THOP1: variants seen among roughly 807,000 people sequenced by gnomAD.
THOP1 encodes the protein thimet oligopeptidase 1.
A neutral mutation model predicts 71.8 loss-of-function variants in THOP1; 49 were observed. The ratio of observed to expected loss-of-function variants is 0.68; its 90% CI spans 0.54 to 0.87. The LOEUF is 0.87. Among genes scored for constraint, THOP1 ranks in the 40% least tolerant of loss-of-function variants. The pLI is 0.00. For missense variants in THOP1, 843 were observed against 975.6 expected (o/e 0.86, Z 1.81); for synonymous variants, 426 against 421.5 (o/e 1.01, Z -0.13).
intron 12 of THOP1, among the ~76,000 whole-genome samples, chr19:2,812,730 C>T (rs561494639): frequency 5.9e-5 from 9 of 152,334 alleles, no homozygotes; most frequent in Admixed American, 2.0e-4. Context: ...CCCGTAGTCC[C>T]GCAGTCACAG....
intron 11 of THOP1, among the ~76,000 whole-genome samples, chr19:2,811,224 T>C (rs140787524): frequency 7.2e-5 from 11 of 152,348 alleles, no homozygotes; most frequent in African/African-American, 2.6e-4. Context: ...ACATGGGTGG[T>C]GTTTTGCTGG....
rs554442718 is a variant in THOP1 at position 2,804,689 on chromosome 19, C to T, written c.590-327C>T. On this transcript the variant is annotated intron_variant, in intron 5 of 12. Coordinates refer to ENST00000307741, the MANE Select transcript of THOP1 (RefSeq NM_003249.5). This position sits in a 1 kb window ranked among gnomAD's most constrained non-coding sequence, Gnocchi z 4.7. ...CGGCGCCCTGGAAGCCCACGATGTC[C>T]GGGGGTTGGGCTGGATTTAGCTTTA... 29 of 230,582 alleles carry T rather than the reference C, an allele frequency of 1.3e-4. No homozygotes were observed. In the South Asian group the frequency reaches 1.9e-3, roughly 15 times the overall value. The allele number at this position is 230,582 out of a possible 1,614,324, so 14.3% of individuals were successfully genotyped here.
intron 1 of THOP1, among the ~76,000 whole-genome samples, chr19:2,790,137 C>T (rs1438304736): frequency 6.6e-6 from 1 of 152,176 alleles, no homozygotes; most frequent in Non-Finnish European, 1.5e-5. Flanking sequence ...CTGCAGGGTA[C>T]TAAGCAGGAT....
rs143179443 is a variant in THOP1, at chr19:2,799,759, C to T, written c.557C>T (p.Thr186Met). Residue 186 changes from threonine (T) to methionine (M), a missense_variant, in exon 5 of 13, where the codon ACG becomes ATG. Physicochemically the swap from Thr to Met is moderately conservative, Grantham distance 81 (BLOSUM62 -1). Coordinates refer to ENST00000307741, the MANE Select transcript of THOP1 (RefSeq NM_003249.5). ...TTCAACAAGAACCTGAACGAGGACA[C>T]GACCTTCCTGCCCTTCACGCTCCAG... Reference protein sequence around the residue: ...IDFNKNLNEDTTFLPFTLQEL... With the variant: ...IDFNKNLNEDMTFLPFTLQEL... The T allele has an allele frequency of 2.8e-3, 4,577 of 1,613,932 alleles. 23 individuals carry two copies. The highest frequency in any genetic ancestry group is 2.5e-3 in the Non-Finnish European group (2,917 of 1,179,960).
At position 2,804,170 on chromosome 19, in the gene THOP1, G is replaced by T. The variant is rs1916231544; in HGVS notation, c.590-846G>T. Among the ~76,000 whole-genome samples, 1 of 152,196 alleles carries T rather than the reference G, an allele frequency of 6.6e-6. No individual in the cohort carries two copies. The highest frequency in any genetic ancestry group is 1.5e-5 in the Non-Finnish European group (1 of 68,044). On this transcript the variant is annotated intron_variant, in intron 5 of 12. Coordinates refer to ENST00000307741, the MANE Select transcript of THOP1 (RefSeq NM_003249.5). This position sits in a 1 kb window ranked among gnomAD's most constrained non-coding sequence, Gnocchi z 4.7. ...TGAAGCTGCAAGCCTGAGGCACGGT[G>T]GCCCTGGCGTCTCCCGAGCCATGAG...
At chr19:2,792,607 G>GTA (rs1915913169) in intron 2 of THOP1, among the ~76,000 whole-genome samples, 1 of 151,886 alleles carries the variant, frequency 6.6e-6, no homozygotes, top group South Asian at 2.1e-4. Context: ...CTGCTGCAAA[G>GTA]TATATGCTTT....
chr19:2,800,009 G>A (rs1343707080), intron 5 of THOP1, among the ~76,000 whole-genome samples: 1 of 152,212 alleles, frequency 6.6e-6, no homozygotes, highest in Non-Finnish European at 1.5e-5. Flanking sequence ...CCTCCTTGGG[G>A]AGGGCCATGG....
intron 12 of THOP1, chr19:2,812,040 G>GT (rs1599534601): frequency 1.1e-5 from 12 of 1,072,114 alleles, no homozygotes; most frequent in Non-Finnish European, 1.5e-5. Flanking sequence ...GCTCCACACT[G>GT]GCCCCTCAGG....
At chr19:2,786,765 A>ATTTTTTTTTTCTTTT (rs1915752011) in intron 1 of THOP1, among the ~76,000 whole-genome samples, 1 of 101,206 alleles carries the variant, frequency 9.9e-6, no homozygotes, top group East Asian at 3.6e-4. Flanking sequence ...CACCTGGCTA[A>ATTTTTTTTTTCTTTT]TTTTTTTTTT....
Position 2,790,404 on chromosome 19 carries a change from GT to G in THOP1, c.17-13del. On this transcript the variant is annotated splice_polypyrimidine_tract_variant and intron_variant, in intron 1 of 12. Coordinates refer to ENST00000307741, the MANE Select transcript of THOP1 (RefSeq NM_003249.5). ...CGAAAGCAGACCCGCCCGGCACTGG[GT>G]TTTGTTTCTGCGTAGCCTGTGCAGG... The G allele has an allele frequency of 2.0e-6, 3 of 1,511,778 alleles. No individual in the cohort carries two copies. Among genetic ancestry groups the G allele is most frequent in the Non-Finnish European group, 1.8e-6 (2 of 1,128,498 alleles). The allele number at this position is 1,511,778 out of a possible 1,614,324, so 93.6% of individuals were successfully genotyped here.
Position 2,806,624 on chromosome 19 carries a change from C to T in THOP1, c.751-293C>T, listed in dbSNP as rs554644287. The T allele has an allele frequency of 1.4e-4, 62 of 441,452 alleles. 1 individual carries two copies. The highest frequency in any genetic ancestry group is 1.2e-3 in the South Asian group (39 of 32,998). 27.3% of individuals were successfully genotyped at this position (441,452 alleles called of 1,614,324 possible). On this transcript the variant is annotated intron_variant, in intron 6 of 12. Transcript: ENST00000307741. ...AGGCCTGGACATGGAGGTGTCCCCA[C>T]ATGCAGCAGTGATGCCCTCGGAGGC...
chr19:2,800,801 TGCACTGATCACCC>T (rs1271676507), intron 5 of THOP1, among the ~76,000 whole-genome samples: 3 of 151,934 alleles, frequency 2.0e-5, no homozygotes, highest in Admixed American at 6.6e-5. Flanking sequence ...CCTCAGTGGG[TGCACTGATCACCC>T]GCACCATTCC....
chr19:2,794,709 C>A, intron 2 of THOP1, 55 bp from the exon 3 acceptor site: 1 of 1,571,364 alleles, frequency 6.4e-7, no homozygotes, highest in Non-Finnish European at 8.7e-7. Flanking sequence ...GCAACACCTG[C>A]CAGTTGTACT....
rs1172020767 is a variant in THOP1, at chr19:2,808,007, C to T, written c.1253+199C>T. ...CCGTTTCCAGTCTCACTCAGCCACC[C>T]CGACAGGGCGCAGCTCTGCCCAGGC... is the stretch of plus-strand genomic sequence containing the variant. On this transcript the variant is annotated intron_variant, in intron 8 of 12. Transcript: ENST00000307741. 5.1e-6 allele frequency: 4 copies of T among 787,148 alleles called. No homozygotes were observed. In the East Asian group the frequency reaches 8.6e-5, roughly 17 times the overall value. The allele number at this position is 787,148 out of a possible 1,614,324, so 48.8% of individuals were successfully genotyped here. A position where few individuals can be genotyped will look rare whatever the true frequency, so the allele number is the denominator to read the frequency against.
chr19:2,790,967 C>T (rs1199003655), intron 2 of THOP1, among the ~76,000 whole-genome samples: 1 of 152,224 alleles, frequency 6.6e-6, no homozygotes, highest in Non-Finnish European at 1.5e-5. Flanking sequence ...TATGTCTAAA[C>T]AGCACGCCTC....
intron 10 of THOP1, 59 bp downstream of exon 10, chr19:2,810,549 C>A: frequency 1.3e-6 from 2 of 1,526,268 alleles, no homozygotes; most frequent in Admixed American, 2.0e-5. Flanking sequence ...ACAGCTGGGG[C>A]CTGGCATGTG....
chr19:2,812,197 A>G, intron 12 of THOP1: 3 of 1,507,112 alleles, frequency 2.0e-6, no homozygotes, highest in Non-Finnish European at 2.7e-6. Flanking sequence ...TCCAACCTCC[A>G]GTTTCCTCAC....
chr19:2,807,086 G>T, intron 7 of THOP1, 34 bp downstream of exon 7: 1 of 1,587,698 alleles, frequency 6.3e-7, no homozygotes, highest in Non-Finnish European at 8.6e-7. Flanking sequence ...TGGGGTCCCT[G>T]TGGGGAAGGT....
chr19:2,794,955 C>G (rs1393831441), intron 3 of THOP1, 43 bp downstream of exon 3: 1 of 1,584,440 alleles, frequency 6.3e-7, no homozygotes, highest in Middle Eastern at 1.7e-4. Context: ...TCCCAAGTAA[C>G]TAGGATTACA....
Sources: gnomAD v4.1 joint callset for allele counts (sites outside exome capture counted in the v4.1 genomes callset) on GRCh38, gnomAD v4.1.1 for gene constraint, Gnocchi (gnomAD v3.1) non-coding constraint, MANE v1.5 for transcripts, NCBI Gene and HGNC (gene_info 2026-07-23, HGNC 2026-07-21) for gene names.